CCN6: variants seen among roughly 807,000 people sequenced by gnomAD.
CCN6 encodes CCN family member 6.
In CCN6, 31 loss-of-function variants were observed where a neutral mutation model predicts 37.4. That is an observed-to-expected ratio of 0.83 (90% CI 0.62 to 1.12). CCN6 has a LOEUF of 1.12. Ranked by LOEUF, CCN6 falls within the 50% of genes most tolerant of loss-of-function variation. CCN6 has a pLI of 0.00. For missense variants in CCN6, 369 were observed against 413.8 expected (o/e 0.89, Z 0.94); for synonymous variants, 137 against 142.1 (o/e 0.96, Z 0.26).
chr6:112,065,038 G>C (rs1776638780), intron 3 of CCN6, 41 bp downstream of exon 3: 1 of 1,612,890 alleles, frequency 6.2e-7, no homozygotes, highest in Admixed American at 1.7e-5. Flanking sequence ...TGACCTTGGT[G>C]GTATTCCTTC....
In CCN6 at chr6:112,069,482, G is replaced by A; in HGVS notation, c.927G>A (p.Lys309=). ...ATAAGAGATGCTGTATCCCTAATAA[G>A]TCTAAAATGATTACTATTCAATTTG... ...CLDKRCCIPN[K]SKMITIQFDC... Residue 309 remains lysine (K), a synonymous_variant, in exon 5 of 5, where the codon AAG becomes AAA. Coordinates refer to ENST00000368666, the MANE Select transcript of CCN6 (RefSeq NM_198239.2). 1.2e-6 allele frequency: 2 copies of A among 1,613,708 alleles called. No homozygotes were observed. The highest frequency in any genetic ancestry group is 2.2e-5 in the East Asian group (1 of 44,808).
chr6:112,057,701 T>C (rs1460308616), intron 1 of CCN6, among the ~76,000 whole-genome samples: 1 of 152,116 alleles, frequency 6.6e-6, no homozygotes, highest in Non-Finnish European at 1.5e-5. Context: ...AAATTTAGTT[T>C]TGAAACTTGC....
chr6:112,065,110 A>T (rs1334553143), intron 3 of CCN6, 113 bp downstream of exon 3: 9 of 1,513,626 alleles, frequency 5.9e-6, no homozygotes, highest in Non-Finnish European at 7.3e-6. Context: ...TCAGAGTGAG[A>T]TATAGTTTGA....
In CCN6 at chr6:112,059,433, G is replaced by GCA. The variant is rs201581185; in HGVS notation, c.49-1557_49-1556insAC. On this transcript the variant is annotated intron_variant, in intron 1 of 4. Coordinates refer to ENST00000368666, the MANE Select transcript of CCN6 (RefSeq NM_198239.2). ...TCTTTGCCTGTTCCAGCTTTTAAAG[G>GCA]CTGTCTGGCTTCCTTGGACCATGAC... is the stretch of plus-strand genomic sequence containing the variant. Among the ~76,000 whole-genome samples, 250 of 152,218 alleles carry GCA rather than the reference G, an allele frequency of 1.6e-3. 5 individuals carry two copies. The East Asian group carries it at 0.041, about 25-fold the overall frequency.
At chr6:112,057,782 A>C (rs1371869529) in intron 1 of CCN6, among the ~76,000 whole-genome samples, 1 of 151,936 alleles carries the variant, frequency 6.6e-6, no homozygotes, top group Non-Finnish European at 1.5e-5. Context: ...GGCAAGCAAT[A>C]CATTAAAGCT....
intron 1 of CCN6, among the ~76,000 whole-genome samples, chr6:112,058,468 A>G (rs1311150647): frequency 2.0e-5 from 3 of 152,230 alleles, no homozygotes; most frequent in African/African-American, 7.2e-5. Context: ...CTGGTGGTAT[A>G]CTCACAAACA....
At chr6:112,060,650 A>G (rs78704265) in intron 1 of CCN6, among the ~76,000 whole-genome samples, 3,273 of 152,138 alleles carry the variant, frequency 0.022, 122 homozygotes, top group African/African-American at 0.076. Context: ...GTTGGAGATA[A>G]GAGATATAGT....
chr6:112,060,951 G>C, intron 1 of CCN6, 40 bp from the exon 2 acceptor site: 1 of 1,611,230 alleles, frequency 6.2e-7, no homozygotes, highest in Non-Finnish European at 8.5e-7. Context: ...CTATTACATA[G>C]AGAAGCTATT....
chr6:112,066,779 T>TAATGCCCTCATGCTTTTTTC (rs587710857), intron 3 of CCN6, among the ~76,000 whole-genome samples: 1 of 152,180 alleles, frequency 6.6e-6, no homozygotes, highest in Non-Finnish European at 1.5e-5. Context: ...CGCAATGACA[T>TAATGCCCTCATGCTTTTTTC]AATGCCCTCA....
rs74945170 is a variant in CCN6 at position 112,058,587 on chromosome 6, C to A, written c.49-2404C>A. ...GTGCAAGGCAGGGAAGTTATAGGAA[C>A]CTTTCTGGAAAAGATGATACTGAAA... On this transcript the variant is annotated intron_variant, in intron 1 of 4. Coordinates refer to ENST00000368666, the MANE Select transcript of CCN6 (RefSeq NM_198239.2). Among the ~76,000 whole-genome samples the A allele has an allele frequency of 3.9e-5, 6 of 152,242 alleles. No homozygotes were observed. In the South Asian group the frequency reaches 1.0e-3, roughly 26 times the overall value.
chr6:112,061,447 T>G, intron 2 of CCN6, 159 bp downstream of exon 2: 2 of 861,266 alleles, frequency 2.3e-6, no homozygotes, highest in South Asian at 1.5e-5. Flanking sequence ...TATTGGATAC[T>G]ATGTGAAATT....
Position 112,069,343 on chromosome 6 carries a change from C to T in CCN6, c.788C>T (p.Pro263Leu). The part of the protein sequence containing the change: ...DSNILKTIKI[P>L]KGKTCQPTFQ... ...TCATTTTATCTATCTTTTCAGATTC[C>T]CAAAGGAAAAACATGCCAACCTACT... The change falls in exon 5 of 5, where the codon CCC becomes CTC. Residue 263 changes from proline to leucine, a missense_variant. Physicochemically the swap from Pro to Leu is moderately conservative, Grantham distance 98. Transcript: ENST00000368666. The T allele has an allele frequency of 6.2e-7, 1 of 1,612,684 alleles. No individual in the cohort carries two copies.
At chr6:112,061,567 T>C (rs1776523718) in intron 2 of CCN6, among the ~76,000 whole-genome samples, 1 of 152,234 alleles carries the variant, frequency 6.6e-6, no homozygotes, top group Non-Finnish European at 1.5e-5. Context: ...AGGAATTATC[T>C]AGAGTCTGAC....
rs1490156194 is a variant in CCN6, at chr6:112,068,407, T to C, written c.783+9T>C. 1.3e-6 allele frequency: 2 copies of C among 1,593,512 alleles called. No homozygotes were observed. The highest frequency in any genetic ancestry group is 1.7e-6 in the Non-Finnish European group (2 of 1,168,322). The stretch of plus-strand genomic sequence containing the variant: ...TATTAAAGACAATAAAGGTAAAGTT[T>C]AAATATATTTAACTTAATTCAATAT... On this transcript the variant is annotated intron_variant, in intron 4 of 4. Transcript: ENST00000368666.
At chr6:112,054,591 T>C in intron 1 of CCN6, 186 bp downstream of exon 1, 1 of 627,144 alleles carries the variant, frequency 1.6e-6, no homozygotes. Context: ...ATGAGCTTCA[T>C]GAAAGAAATG....
chr6:112,066,189 C>T (rs1776690254), intron 3 of CCN6, among the ~76,000 whole-genome samples: 1 of 152,048 alleles, frequency 6.6e-6, no homozygotes, highest in South Asian at 2.1e-4. Flanking sequence ...TGTGAATTTG[C>T]ATTTACTATA....
At chr6:112,063,705 T>C (rs1394510229) in intron 2 of CCN6, among the ~76,000 whole-genome samples, 1 of 152,208 alleles carries the variant, frequency 6.6e-6, no homozygotes, top group Non-Finnish European at 1.5e-5. Context: ...CTCAGTTTGC[T>C]CATCTTCAAA....
upstream of CCN6, chr6:112,053,979 A>G (rs1554311256): frequency 7.4e-6 from 3 of 405,276 alleles, no homozygotes; most frequent in Non-Finnish European, 1.4e-5. Flanking sequence ...AAGGAAGGGA[A>G]TGACGTGGGA....
rs996790973 is a variant in CCN6 at position 112,069,320 on chromosome 6, A to C, written c.784-19A>C. 1.2e-6 allele frequency: 2 copies of C among 1,610,692 alleles called. No individual in the cohort carries two copies. The highest frequency in any genetic ancestry group is 1.7e-6 in the Non-Finnish European group (2 of 1,178,904). On this transcript the variant is annotated intron_variant, in intron 4 of 4. Coordinates refer to ENST00000368666, the MANE Select transcript of CCN6 (RefSeq NM_198239.2). ...GTAATAAAATTTAAAGAATGACTTC[A>C]TTTTATCTATCTTTTCAGATTCCCA... is the stretch of plus-strand genomic sequence containing the variant.
Sources: allele counts gnomAD v4.1 joint callset (sites outside exome capture counted in the v4.1 genomes callset), GRCh38; gene constraint gnomAD v4.1.1; transcripts MANE v1.5; gene names NCBI Gene and HGNC (gene_info 2026-07-23, HGNC 2026-07-21).